Variants in KCNC3 observed in about 807,000 individuals in gnomAD.
KCNC3 encodes potassium voltage-gated channel subfamily C member 3, also known as voltage-gated potassium channel KCNC3.
KCNC3 carries 22 observed loss-of-function variants against 43.9 expected under a neutral mutation model. The ratio of observed to expected loss-of-function variants is 0.50; its 90% CI spans 0.36 to 0.72. The LOEUF (loss-of-function observed/expected upper bound fraction) is 0.72, where lower values mean the gene tolerates loss of function less well. Ranked by LOEUF, KCNC3 falls within the 30% of genes least tolerant of loss-of-function variation. The pLI is 0.00. For missense variants in KCNC3, 829 were observed against 1,073.8 expected, an observed-to-expected ratio of 0.77 and a Z score of 3.19; for synonymous variants, 492 against 488.0, an observed-to-expected ratio of 1.01 and a Z score of -0.11.
At chr19:50,316,844 G>T (rs895682189) in intron 4 of KCNC3, among the ~76,000 whole-genome samples, 9 of 151,922 alleles carry the variant, frequency 5.9e-5, no homozygotes, top group African/African-American at 2.2e-4. Context: ...AGGGAGGGTT[G>T]TGGGGCTGAA....
At chr19:50,330,281 T>G (rs1310979756), upstream of KCNC3, among the ~76,000 whole-genome samples, 1 of 150,768 alleles carries the variant, frequency 6.6e-6, no homozygotes, top group East Asian at 2.0e-4. Context: ...AATAAATAAA[T>G]AAAAGAAAAA....
chr19:50,315,547 G>C lies in KCNC3; in HGVS notation c.*568C>G, dbSNP rs2036937611. On this transcript the variant is annotated 3_prime_UTR_variant, in exon 5 of 5. Coordinates refer to ENST00000477616, the MANE Select transcript of KCNC3 (RefSeq NM_004977.3). ...GGGGCTGGGGGCTGACCTAGTTGTAGGGAAAGAGAGCAGGCAGGGGGTGGG... is the reference window on the plus strand; with the variant it reads ...GGGGCTGGGGGCTGACCTAGTTGTACGGAAAGAGAGCAGGCAGGGGGTGGG... 1 of 150,648 alleles carries C rather than the reference G, an allele frequency of 6.6e-6. No homozygotes were observed. The highest frequency in any genetic ancestry group is 2.5e-5 in the African/African-American group (1 of 40,618). 9.3% of individuals were successfully genotyped at this position (150,648 alleles called of 1,614,324 possible).
At chr19:50,316,333 C>G (rs1568569156) in intron 4 of KCNC3, among the ~76,000 whole-genome samples, 1 of 151,174 alleles carries the variant, frequency 6.6e-6, no homozygotes, top group Non-Finnish European at 1.5e-5. Flanking sequence ...AGGGAGAGTT[C>G]TGGGGAGGAG....
chr19:50,329,668 G>A (rs2037159747), upstream of KCNC3: 1 of 152,360 alleles, frequency 6.6e-6, no homozygotes, highest in Non-Finnish European at 1.5e-5. Context: ...GAAGAGACAG[G>A]GCCGCAGAAA....
chr19:50,328,358 A>T lies in KCNC3; in HGVS notation c.725T>A (p.Leu242His), dbSNP rs986287142. The change falls in exon 1 of 5, where the codon CTC becomes CAC. Residue 242 changes from leucine (L) to histidine (H), a missense_variant. Physicochemically the swap from Leu to His is moderately conservative, Grantham distance 99. This residue lies in a region of KCNC3 where 60 missense variants were observed against 56.0 expected (regional missense o/e 1.07). Transcript: ENST00000477616. ...GGGLDGAGGELKRLCFQDAGG... is the reference protein window; with the variant it reads ...GGGLDGAGGEHKRLCFQDAGG... The stretch of plus-strand genomic sequence containing the variant: ...CGCGTCCTGGAAGCAGAGGCGCTTG[A>T]GCTCGCCGCCCGCTCCGTCCAGGCC... 2.2e-5 allele frequency: 26 copies of T among 1,180,600 alleles called. 1 individual carries two copies. In the South Asian group the frequency reaches 4.3e-4, roughly 20 times the overall value. The allele number at this position is 1,180,600 out of a possible 1,614,324, so 73.1% of individuals were successfully genotyped here.
In KCNC3 at chr19:50,315,185, G is replaced by A. The variant is rs1183949288; in HGVS notation, c.*930C>T. ...AGGCAGACAGAGACACAAAAGGACG[G>A]ATGACAAGAGACAGATGGACAGAGA... On this transcript the variant is annotated 3_prime_UTR_variant, in exon 5 of 5. Transcript: ENST00000477616. Among the ~76,000 whole-genome samples, 1 of 152,070 alleles carries A rather than the reference G, an allele frequency of 6.6e-6. No individual in the cohort carries two copies. Among genetic ancestry groups the A allele is most frequent in the Non-Finnish European group, 1.5e-5 (1 of 68,012 alleles).
At position 50,328,961 on chromosome 19, in the gene KCNC3, T is replaced by A. The variant is rs1036902669; in HGVS notation, c.122A>T (p.Gln41Leu). 1.3e-5 allele frequency: 12 copies of A among 945,398 alleles called. No individual in the cohort carries two copies. The African/African-American group carries it at 2.1e-4, about 17-fold the overall frequency. 58.6% of individuals were successfully genotyped at this position (945,398 alleles called of 1,614,324 possible). The change falls in exon 1 of 5, where the codon CAG (glutamine) becomes CTG (leucine). Residue 41 changes from glutamine (Q) to leucine (L), a missense_variant. Coordinates refer to ENST00000477616, the MANE Select transcript of KCNC3 (RefSeq NM_004977.3). ...GGCGGGGCCGGGCTGCGCAGGCTGC[T>A]GCTGCTGCGGCGGCAGCGGTGGCGG... ...PPPPPLPPQQ[Q>L]QPAQPGPAAS...
intron 4 of KCNC3, among the ~76,000 whole-genome samples, chr19:50,317,402 G>C (rs1421042768): frequency 1.3e-5 from 2 of 152,090 alleles, no homozygotes; most frequent in Non-Finnish European, 2.9e-5. Flanking sequence ...AAGCCCCCCA[G>C]GTTCCCCTAT....
upstream of KCNC3, chr19:50,329,643 G>C (rs1026895061): frequency 6.6e-6 from 1 of 152,360 alleles, no homozygotes; most frequent in African/African-American, 2.4e-5. Flanking sequence ...ACCTGGTGGG[G>C]AGGAGCATTG....
At chr19:50,322,923 A>G in intron 2 of KCNC3, 52 bp downstream of exon 2, 1 of 1,526,414 alleles carries the variant, frequency 6.6e-7, no homozygotes, top group Non-Finnish European at 8.8e-7. Flanking sequence ...CTACCTCCCC[A>G]GTCCTCCCCG....
chr19:50,320,250 G>A lies in KCNC3; in HGVS notation c.2270C>T (p.Pro757Leu). 9 of 932,472 alleles carry A rather than the reference G, an allele frequency of 9.7e-6. No individual in the cohort carries two copies. The highest frequency in any genetic ancestry group is 1.3e-5 in the Non-Finnish European group (9 of 688,156). 57.8% of individuals were successfully genotyped at this position (932,472 alleles called of 1,614,324 possible). The change falls in exon 4 of 5, where the codon CCC becomes CTC. Residue 757 changes from proline (P) to leucine (L), a missense_variant. Physicochemically the swap from Pro to Leu is moderately conservative, Grantham distance 98. Around this residue, in one of 7 missense-constraint regions of KCNC3, gnomAD observed 308 missense variants for 276.2 expected, o/e 1.11. Transcript: ENST00000477616. ...CGGGGGGAGGGGGTTCGTCCACTAG[G>A]GGGATATCCAGGCCGCGGCGTTGGC... The part of the protein sequence containing the change: ...LNANAAAWIS[P>L]
chr19:50,317,180 G>T (rs1250253571), intron 4 of KCNC3, among the ~76,000 whole-genome samples: 1 of 151,534 alleles, frequency 6.6e-6, no homozygotes, highest in East Asian at 2.0e-4. Flanking sequence ...GAGTGGGGGG[G>T]TAATGAGCTG....
chr19:50,323,128 C>G lies in KCNC3; in HGVS notation c.1825G>C (p.Val609Leu). Residue 609 changes from valine (V) to leucine (L), a missense_variant, in exon 2 of 5, where the codon GTG becomes CTG. By Grantham distance (32) the Val-to-Leu change is conservative. Coordinates refer to ENST00000477616, the MANE Select transcript of KCNC3 (RefSeq NM_004977.3). Reference sequence around the variant, plus strand: ...GGCCCCGCTGGGTAGGCCCCGGCCACAGTCACCCCCATGGAGGGTGGGGTG... The same window carrying G: ...GGCCCCGCTGGGTAGGCCCCGGCCAGAGTCACCCCCATGGAGGGTGGGGTG... The part of the protein sequence containing the change: ...PITPPSMGVT[V>L]AGAYPAGPHT... The G allele has an allele frequency of 6.5e-7, 1 of 1,536,114 alleles. No homozygotes were observed. Among genetic ancestry groups the G allele is most frequent in the Non-Finnish European group, 8.7e-7 (1 of 1,144,690 alleles).
At chr19:50,318,153 GCTT>G (rs1320762682) in intron 4 of KCNC3, among the ~76,000 whole-genome samples, 1 of 151,332 alleles carries the variant, frequency 6.6e-6, no homozygotes, top group Non-Finnish European at 1.5e-5. Context: ...TATCTTAATT[GCTT>G]CTTTTCTTCT....
chr19:50,317,149 G>C (rs1473923809), intron 4 of KCNC3, among the ~76,000 whole-genome samples: 1 of 151,362 alleles, frequency 6.6e-6, no homozygotes, highest in Non-Finnish European at 1.5e-5. Flanking sequence ...AGGGGGAGGA[G>C]TTAGATAGGA....
intron 4 of KCNC3, 150 bp from the exon 5 acceptor site, chr19:50,316,241 A>G (rs2036951854): frequency 5.8e-6 from 1 of 171,328 alleles, no homozygotes; most frequent in South Asian, 2.3e-4. Flanking sequence ...GAGCAGTGAA[A>G]TGGGGGGCGG....
At position 50,329,079 on chromosome 19, in the gene KCNC3, G is replaced by A. The variant is rs1456063936; in HGVS notation, c.4C>T (p.Leu2=). 4 of 1,032,990 alleles carry A rather than the reference G, an allele frequency of 3.9e-6. No homozygotes were observed. The highest frequency in any genetic ancestry group is 3.8e-6 in the Non-Finnish European group (3 of 780,686). 64.0% of individuals were successfully genotyped at this position (1,032,990 alleles called of 1,614,324 possible). ...AAGGACGAGACGCAGACTGAGCTCA[G>A]CATTGGACGGGGGGCGGGGCGGGAG... M[L]SSVCVSSFRG... Residue 2 remains leucine, a synonymous_variant, in exon 1 of 5, where the codon CTG becomes TTG. Transcript: ENST00000477616.
upstream of KCNC3, among the ~76,000 whole-genome samples, chr19:50,330,253 C>T (rs1555781959): frequency 6.6e-6 from 1 of 151,796 alleles, no homozygotes; most frequent in East Asian, 1.9e-4. Flanking sequence ...GGCGACAGAG[C>T]GAGACTCTGT....
rs1279193195 is a variant in KCNC3 at position 50,323,021 on chromosome 19, C to T, written c.1932G>A (p.Glu644=). 2 of 1,546,946 alleles carry T rather than the reference C, an allele frequency of 1.3e-6. No homozygotes were observed. Among genetic ancestry groups the T allele is most frequent in the East Asian group, 2.4e-5 (1 of 40,906 alleles). Residue 644 remains glutamate, a synonymous_variant, in exon 2 of 5, where the codon GAG becomes GAA. Transcript: ENST00000477616. ...MGLPPLPAPG[E]PCPLAQEEVI... ...CCTCCTCCTGAGCCAACGGGCAAGGCTCGCCGGGGGCTGGCAGAGGAGGCA... is the reference window on the plus strand; with the variant it reads ...CCTCCTCCTGAGCCAACGGGCAAGGTTCGCCGGGGGCTGGCAGAGGAGGCA...
Sources: gnomAD v4.1 joint callset for allele counts (sites outside exome capture counted in the v4.1 genomes callset) on GRCh38, gnomAD v4.1.1 for gene constraint, gnomAD v4.1.1 regional missense constraint, MANE v1.5 for transcripts, NCBI Gene and HGNC (gene_info 2026-07-23, HGNC 2026-07-21) for gene names.